Variants in ANKS1B observed in about 807,000 individuals in gnomAD.
The protein encoded by ANKS1B is ankyrin repeat and sterile alpha motif domain-containing protein 1B.
ANKS1B carries 36 observed loss-of-function variants against 148.3 expected under a neutral mutation model. That is an observed-to-expected ratio of 0.24 (90% CI 0.19 to 0.32). The LOEUF is 0.32. Among genes scored for constraint, ANKS1B ranks in the 10% least tolerant of loss-of-function variants. ANKS1B has a pLI of 1.00. For synonymous variants in ANKS1B, 542 were observed against 560.8 expected (o/e 0.97, Z 0.47); for missense variants, 1,157 against 1,542.6 (o/e 0.75, Z 4.19).
chr12:99,629,492 C>T (rs2098138446), intron 9 of ANKS1B, among the ~76,000 whole-genome samples: 2 of 152,086 alleles, frequency 1.3e-5, no homozygotes, highest in South Asian at 4.1e-4. Context: ...TTACTGTGTG[C>T]TCAACACTAT....
intron 1 of ANKS1B, among the ~76,000 whole-genome samples, chr12:99,973,497 T>C (rs1229198379): frequency 1.3e-5 from 2 of 152,214 alleles, no homozygotes; most frequent in Non-Finnish European, 2.9e-5. Flanking sequence ...AAAGAATCAC[T>C]GAGTCTGGGA....
chr12:99,154,515 A>G (rs2075734612), intron 14 of ANKS1B, 120 bp from the exon 15 acceptor site: 1 of 1,604,832 alleles, frequency 6.2e-7, no homozygotes, highest in Non-Finnish European at 8.5e-7. Context: ...GTTGCTATCA[A>G]AGGAGCCCGC....
intron 9 of ANKS1B, among the ~76,000 whole-genome samples, chr12:99,509,435 A>C (rs912878494): frequency 1.3e-4 from 20 of 152,106 alleles, no homozygotes; most frequent in African/African-American, 4.6e-4. Flanking sequence ...ACAAATGATA[A>C]GAAAGGGAAA....
At chr12:99,688,935 G>A (rs1274414073) in intron 8 of ANKS1B, among the ~76,000 whole-genome samples, 2 of 150,700 alleles carry the variant, frequency 1.3e-5, no homozygotes, top group Non-Finnish European at 3.0e-5. Context: ...TTTCTTACAA[G>A]TAATATATTT....
intron 14 of ANKS1B, among the ~76,000 whole-genome samples, chr12:99,208,758 G>GT (rs2082974899): frequency 6.6e-6 from 1 of 152,110 alleles, no homozygotes. Flanking sequence ...ATGAAGAAGA[G>GT]TTATGGTTTT....
At chr12:99,800,306 C>T (rs2066779371) in intron 4 of ANKS1B, among the ~76,000 whole-genome samples, 1 of 152,000 alleles carries the variant, frequency 6.6e-6, no homozygotes, top group African/African-American at 2.4e-5. Context: ...AAAGCCCTCA[C>T]TCAGGAATGG....
chr12:98,742,357 T>C (rs563222011), downstream of ANKS1B, among the ~76,000 whole-genome samples: 1 of 152,366 alleles, frequency 6.6e-6, no homozygotes, highest in African/African-American at 2.4e-5. Flanking sequence ...TTTTTTTTTT[T>C]TTCCCCAAAC....
At chr12:99,297,068 G>C (rs1029085942) in intron 12 of ANKS1B, among the ~76,000 whole-genome samples, 2 of 152,092 alleles carry the variant, frequency 1.3e-5, no homozygotes, top group Admixed American at 1.3e-4. Context: ...TCTCACATTA[G>C]AGTTATTCCT....
At chr12:99,685,047 C>A (rs2098641819) in intron 8 of ANKS1B, among the ~76,000 whole-genome samples, 1 of 152,058 alleles carries the variant, frequency 6.6e-6, no homozygotes, top group South Asian at 2.1e-4. Flanking sequence ...AACCCAAAAG[C>A]AACTGCAACA....
intron 17 of ANKS1B, among the ~76,000 whole-genome samples, chr12:98,988,104 T>C (rs1482272873): frequency 6.6e-6 from 1 of 152,192 alleles, no homozygotes; most frequent in Non-Finnish European, 1.5e-5. Flanking sequence ...CTCACAGTTA[T>C]TTTTGTGGTG....
intron 4 of ANKS1B, among the ~76,000 whole-genome samples, chr12:99,802,711 G>A (rs934883388): frequency 6.6e-6 from 1 of 151,776 alleles, no homozygotes; most frequent in Non-Finnish European, 1.5e-5. Flanking sequence ...CCAGGAGTTC[G>A]AGACCAACCT....
intron 1 of ANKS1B, among the ~76,000 whole-genome samples, chr12:99,977,020 G>A (rs2095637672): frequency 6.6e-6 from 1 of 152,132 alleles, no homozygotes; most frequent in African/African-American, 2.4e-5. Flanking sequence ...GAGGAAATTG[G>A]GCTGAACTCA....
rs549566813 is a variant in ANKS1B at position 99,600,085 on chromosome 12, C to T, written c.1272+54982G>A. Among the ~76,000 whole-genome samples, 94 of 151,992 alleles carry T rather than the reference C, an allele frequency of 6.2e-4. 1 individual carries two copies. Among genetic ancestry groups the T allele is most frequent in the African/African-American group, 2.1e-3 (89 of 41,476 alleles). ...AGCCACCTAGACTGTATCTAATTATCTCATTTTCTTTAGACACTGCCTGTA... is the reference window on the plus strand; with the variant it reads ...AGCCACCTAGACTGTATCTAATTATTTCATTTTCTTTAGACACTGCCTGTA... On this transcript the variant is annotated intron_variant, in intron 9 of 26. Coordinates refer to ENST00000683438, the MANE Select transcript of ANKS1B (RefSeq NM_001352186.2).
intron 20 of ANKS1B, among the ~76,000 whole-genome samples, chr12:98,807,183 A>G (rs1326056309): frequency 6.6e-6 from 1 of 152,218 alleles, no homozygotes; most frequent in African/African-American, 2.4e-5. Context: ...AACTTTTTCT[A>G]AAGTATGCAA....
intron 9 of ANKS1B, among the ~76,000 whole-genome samples, chr12:99,528,721 A>T (rs570062434): frequency 9.2e-5 from 14 of 152,334 alleles, no homozygotes; most frequent in South Asian, 6.2e-4. Context: ...AGTAATTTTT[A>T]AAATGAGATA....
intron 15 of ANKS1B, among the ~76,000 whole-genome samples, chr12:99,123,274 T>C (rs1285046093): frequency 6.6e-6 from 1 of 151,904 alleles, no homozygotes; most frequent in African/African-American, 2.4e-5. Flanking sequence ...TATGGTGACA[T>C]TAGAGCAGAG....
chr12:99,162,820 G>A (rs1224541000), intron 14 of ANKS1B, among the ~76,000 whole-genome samples: 1 of 152,150 alleles, frequency 6.6e-6, no homozygotes, highest in Non-Finnish European at 1.5e-5. Context: ...AGCACTCTGG[G>A]AGGCCGAGGC....
rs145926783 is a variant in ANKS1B at position 99,795,234 on chromosome 12, C to T, written c.669+11170G>A. Among the ~76,000 whole-genome samples, 26 of 151,714 alleles carry T rather than the reference C, an allele frequency of 1.7e-4. No individual in the cohort carries two copies. In the East Asian group the frequency reaches 4.8e-3, roughly 28 times the overall value. On this transcript the variant is annotated intron_variant, in intron 4 of 26. Coordinates refer to ENST00000683438, the MANE Select transcript of ANKS1B (RefSeq NM_001352186.2). ...ACATCCTGGACATATCACAGTAAAA[C>T]TACAAAACTACTAAGATAATAACTT... is the stretch of plus-strand genomic sequence containing the variant.
At chr12:99,767,360 T>G (rs143532733) in intron 8 of ANKS1B, among the ~76,000 whole-genome samples, 163 of 152,142 alleles carry the variant, frequency 1.1e-3, no homozygotes, top group Non-Finnish European at 2.0e-3. Context: ...CTTATTTACT[T>G]CTTAAAGACA....
Sources: allele counts gnomAD v4.1 joint callset (sites outside exome capture counted in the v4.1 genomes callset), GRCh38; gene constraint gnomAD v4.1.1; transcripts MANE v1.5; gene names NCBI Gene and HGNC (gene_info 2026-07-23, HGNC 2026-07-21).